SERPINI1: variants seen among roughly 807,000 people sequenced by gnomAD.
SERPINI1 encodes serpin family I member 1.
In SERPINI1, 19 loss-of-function variants were observed where a neutral mutation model predicts 41.1. The observed-to-expected ratio is 0.46, with a 90% confidence interval of 0.32 to 0.68. SERPINI1 has a LOEUF of 0.68. Among genes scored for constraint, SERPINI1 ranks in the 30% least tolerant of loss-of-function variants. The pLI, the probability that SERPINI1 is intolerant of heterozygous loss-of-function variation, is 0.03. For synonymous variants in SERPINI1, 138 were observed against 156.6 expected (o/e 0.88, Z 0.89); for missense variants, 460 against 479.2 (o/e 0.96, Z 0.37).
intron 1 of SERPINI1, among the ~76,000 whole-genome samples, chr3:167,771,123 C>A (rs141486564): frequency 4.5e-4 from 69 of 152,166 alleles, no homozygotes; most frequent in African/African-American, 1.6e-3. Context: ...CAGTATTTAT[C>A]AAAATTATAA....
intron 1 of SERPINI1, among the ~76,000 whole-genome samples, chr3:167,740,390 C>A (rs1220902367): frequency 6.6e-6 from 1 of 152,156 alleles, no homozygotes; most frequent in Non-Finnish European, 1.5e-5. Context: ...TTCATACTAT[C>A]TTTCTCACCA....
intron 1 of SERPINI1, among the ~76,000 whole-genome samples, chr3:167,764,310 G>T (rs890268928): frequency 2.0e-5 from 3 of 152,258 alleles, no homozygotes; most frequent in African/African-American, 7.2e-5. Flanking sequence ...GGGTTTAATG[G>T]ACTTACAGTT....
chr3:167,785,086 C>A (rs1470377587), intron 1 of SERPINI1, among the ~76,000 whole-genome samples: 1 of 151,936 alleles, frequency 6.6e-6, no homozygotes, highest in East Asian at 1.9e-4. Flanking sequence ...ACTAAAAATA[C>A]AAAAATTAGC....
chr3:167,790,739 A>G, intron 3 of SERPINI1, 137 bp downstream of exon 3: 1 of 681,260 alleles, frequency 1.5e-6, no homozygotes, highest in Admixed American at 2.4e-5. Flanking sequence ...ATTATTTTGT[A>G]TAGATTATGG....
chr3:167,783,527 G>C (rs56824632), intron 1 of SERPINI1, among the ~76,000 whole-genome samples: 19,518 of 152,082 alleles, frequency 0.13, 1,526 homozygotes, highest in African/African-American at 0.21. Flanking sequence ...AGATATAATA[G>C]TTGAAGTATC....
chr3:167,781,634 CTTTTTT>C (rs757785091), intron 1 of SERPINI1, among the ~76,000 whole-genome samples: 7 of 81,752 alleles, frequency 8.6e-5, no homozygotes, highest in Non-Finnish European at 1.7e-4. Flanking sequence ...TTCTTTTGGC[CTTTTTT>C]TTTTTTTTTT....
At chr3:167,777,918 G>A (rs1028246586) in intron 1 of SERPINI1, among the ~76,000 whole-genome samples, 1 of 152,114 alleles carries the variant, frequency 6.6e-6, no homozygotes, top group African/African-American at 2.4e-5. Flanking sequence ...ATGGGAGTGG[G>A]CTGGTTATGG....
intron 1 of SERPINI1, among the ~76,000 whole-genome samples, chr3:167,741,751 G>T (rs1260797190): frequency 1.3e-5 from 2 of 152,172 alleles, no homozygotes; most frequent in Non-Finnish European, 2.9e-5. Flanking sequence ...TAAGAAACCT[G>T]TACCTAGTCT....
intron 1 of SERPINI1, among the ~76,000 whole-genome samples, chr3:167,770,709 C>A (rs938581345): frequency 4.6e-5 from 7 of 152,102 alleles, no homozygotes; most frequent in Non-Finnish European, 4.4e-5. Context: ...CCACAATTGT[C>A]TCAATTACTA....
chr3:167,763,750 G>T (rs1014654847), intron 1 of SERPINI1, among the ~76,000 whole-genome samples: 1 of 152,254 alleles, frequency 6.6e-6, no homozygotes, highest in South Asian at 2.1e-4. Context: ...AGAGTTTGGT[G>T]ATGTAACCCC....
At chr3:167,815,257 T>C (rs551977161) in intron 6 of SERPINI1, among the ~76,000 whole-genome samples, 1 of 152,338 alleles carries the variant, frequency 6.6e-6, no homozygotes, top group Non-Finnish European at 1.5e-5. Context: ...TGCAGACACA[T>C]GCTTGCTTAG....
intron 1 of SERPINI1, among the ~76,000 whole-genome samples, chr3:167,751,730 A>G (rs1374721770): frequency 2.0e-5 from 3 of 152,178 alleles, no homozygotes; most frequent in East Asian, 1.9e-4. Flanking sequence ...AGCGTTATGT[A>G]TGATTTGTTC....
At chr3:167,777,678 T>C (rs2108549731) in intron 1 of SERPINI1, among the ~76,000 whole-genome samples, 1 of 152,314 alleles carries the variant, frequency 6.6e-6, no homozygotes, top group South Asian at 2.1e-4. Flanking sequence ...ATTTAATATA[T>C]TAAATATATA....
rs759071232 is a variant in SERPINI1, at chr3:167,822,991, AAGG to A, written c.988_990del (p.Glu330del). On this transcript the variant is annotated inframe_deletion, in exon 7 of 9. Coordinates refer to ENST00000446050, the MANE Select transcript of SERPINI1 (RefSeq NM_001122752.2). ...TTCTGATTCTCTTTTTGCAGATAATAAGGAGATTTTTCTTTCCAAAGCAATTCA... is the reference window on the plus strand; with the variant it reads ...TTCTGATTCTCTTTTTGCAGATAATAAGATTTTTCTTTCCAAAGCAATTCA... 4 of 1,590,162 alleles carry A rather than the reference AAGG, an allele frequency of 2.5e-6. No homozygotes were observed. Among genetic ancestry groups the A allele is most frequent in the Non-Finnish European group, 3.5e-6 (4 of 1,158,230 alleles).
chr3:167,787,305 A>G (rs978900233), intron 1 of SERPINI1, among the ~76,000 whole-genome samples: 1 of 152,238 alleles, frequency 6.6e-6, no homozygotes, highest in Non-Finnish European at 1.5e-5. Context: ...GAAGTATGGT[A>G]TAGTAAATAC....
intron 1 of SERPINI1, among the ~76,000 whole-genome samples, chr3:167,779,605 A>C (rs1191602341): frequency 6.6e-6 from 1 of 152,176 alleles, no homozygotes; most frequent in Non-Finnish European, 1.5e-5. Context: ...GTTTTCGATA[A>C]TACCTAGTTT....
chr3:167,799,118 G>A (rs570563558), intron 5 of SERPINI1, among the ~76,000 whole-genome samples: 10 of 152,010 alleles, frequency 6.6e-5, no homozygotes, highest in South Asian at 2.1e-4. Flanking sequence ...AGGTATACAC[G>A]TGCCATGGTG....
chr3:167,780,183 T>C (rs1339637161), intron 1 of SERPINI1, among the ~76,000 whole-genome samples: 1 of 152,214 alleles, frequency 6.6e-6, no homozygotes, highest in Non-Finnish European at 1.5e-5. Context: ...TTGTCCATCA[T>C]TTATCATGCA....
At chr3:167,817,491 G>A (rs978966611) in intron 6 of SERPINI1, among the ~76,000 whole-genome samples, 2 of 152,034 alleles carry the variant, frequency 1.3e-5, no homozygotes, top group African/African-American at 4.8e-5. Context: ...TTAATTTCAA[G>A]GATGGAGAAA....
Sources: gnomAD v4.1 joint callset for allele counts (sites outside exome capture counted in the v4.1 genomes callset) on GRCh38, gnomAD v4.1.1 for gene constraint, MANE v1.5 for transcripts, NCBI Gene and HGNC (gene_info 2026-07-23, HGNC 2026-07-21) for gene names.